COLEC12: variants seen among roughly 807,000 people sequenced by gnomAD.
COLEC12 encodes the protein collectin-12.
Under a neutral mutation model 71.1 loss-of-function variants are expected in COLEC12, and 33 were observed. The ratio of observed to expected loss-of-function variants is 0.46; its 90% CI spans 0.35 to 0.62. COLEC12 has a LOEUF of 0.62. Among genes scored for constraint, COLEC12 ranks in the 20% least tolerant of loss-of-function variants. COLEC12 has a pLI of 0.00. For missense variants in COLEC12, 765 were observed against 916.1 expected (o/e 0.84, Z 2.13); for synonymous variants, 350 against 353.0 (o/e 0.99, Z 0.10).
intron 2 of COLEC12, among the ~76,000 whole-genome samples, chr18:449,536 C>T (rs1916717312): frequency 6.6e-6 from 1 of 152,220 alleles, no homozygotes. Flanking sequence ...CTCAGGGACT[C>T]CCACACTGAA....
At chr18:496,505 T>TGG in intron 1 of COLEC12, among the ~76,000 whole-genome samples, 1 of 152,306 alleles carries the variant, frequency 6.6e-6, no homozygotes, top group South Asian at 2.1e-4. Flanking sequence ...CTTTAGAAAA[T>TGG]ATGACTCTTT....
intron 2 of COLEC12, among the ~76,000 whole-genome samples, chr18:365,030 C>T (rs112715669): frequency 0.012 from 1,899 of 152,174 alleles, 24 homozygotes; most frequent in Middle Eastern, 0.02. Flanking sequence ...GGATGCCCAA[C>T]GAGATAATCT....
intron 2 of COLEC12, among the ~76,000 whole-genome samples, chr18:478,824 T>C (rs2143768212): frequency 6.6e-6 from 1 of 152,046 alleles, no homozygotes; most frequent in East Asian, 1.9e-4. Flanking sequence ...TTGGCATCAC[T>C]CTCTTCCAGC....
At chr18:428,885 T>C (rs188994485) in intron 2 of COLEC12, among the ~76,000 whole-genome samples, 188 of 152,302 alleles carry the variant, frequency 1.2e-3, no homozygotes, top group African/African-American at 4.3e-3. Context: ...AATCTAGCAT[T>C]TACTAAGGAA....
At chr18:497,837 G>T (rs1301424713) in intron 1 of COLEC12, among the ~76,000 whole-genome samples, 2 of 152,198 alleles carry the variant, frequency 1.3e-5, no homozygotes, top group Non-Finnish European at 2.9e-5. Flanking sequence ...TCTTTAGTTG[G>T]TTCCCTATGG....
intron 2 of COLEC12, among the ~76,000 whole-genome samples, chr18:459,594 A>G (rs1916938192): frequency 6.6e-6 from 1 of 152,216 alleles, no homozygotes; most frequent in Non-Finnish European, 1.5e-5. Context: ...GTCCACATCA[A>G]GGGGCCCCAG....
At chr18:470,222 T>TTTG in intron 2 of COLEC12, among the ~76,000 whole-genome samples, 1 of 111,394 alleles carries the variant, frequency 9.0e-6, no homozygotes, top group Non-Finnish European at 1.9e-5. Context: ...GCCAGGAAAT[T>TTTG]TTTTTTTTTT....
chr18:380,215 T>C (rs1915200814), intron 2 of COLEC12, among the ~76,000 whole-genome samples: 1 of 152,218 alleles, frequency 6.6e-6, no homozygotes, highest in Non-Finnish European at 1.5e-5. Context: ...TCTTTCCGCA[T>C]TCCTCAGTGC....
intron 1 of COLEC12, among the ~76,000 whole-genome samples, chr18:492,573 T>C (rs1322955161): frequency 6.6e-6 from 1 of 151,746 alleles, no homozygotes; most frequent in Non-Finnish European, 1.5e-5. Context: ...TTAATCATGT[T>C]AATAAGAGAG....
chr18:489,521 G>A (rs938846343), intron 1 of COLEC12, among the ~76,000 whole-genome samples: 4 of 152,130 alleles, frequency 2.6e-5, no homozygotes, highest in Non-Finnish European at 5.9e-5. Flanking sequence ...AGATTTCTTC[G>A]AGAAGATAGA....
chr18:489,466 T>C (rs1395312594), intron 1 of COLEC12, among the ~76,000 whole-genome samples: 1 of 152,170 alleles, frequency 6.6e-6, no homozygotes, highest in African/African-American at 2.4e-5. Context: ...TGTGTATATA[T>C]CCTAACCTAA....
At chr18:329,550 C>T (rs1913922956) in intron 8 of COLEC12, among the ~76,000 whole-genome samples, 2 of 152,094 alleles carry the variant, frequency 1.3e-5, no homozygotes, top group African/African-American at 4.8e-5. Flanking sequence ...AAAGTGTGTC[C>T]CTGCTGTGTT....
At chr18:433,825 A>G (rs1334051001) in intron 2 of COLEC12, among the ~76,000 whole-genome samples, 2 of 152,026 alleles carry the variant, frequency 1.3e-5, no homozygotes, top group East Asian at 3.9e-4. Context: ...TTAGCCTCAC[A>G]AGGTGGTGTG....
At chr18:460,186 G>A (rs1268341349) in intron 2 of COLEC12, among the ~76,000 whole-genome samples, 6 of 152,078 alleles carry the variant, frequency 3.9e-5, no homozygotes, top group East Asian at 3.8e-4. Context: ...CCCTGCTGTC[G>A]GCCAAGAATA....
rs542286521 is a variant in COLEC12 at position 336,578 on chromosome 18, C to A, written c.1328-1348G>T. On this transcript the variant is annotated intron_variant, in intron 5 of 9. Transcript: ENST00000400256. ...TCAGGGTACTTTCACATACATTATG[C>A]CACCTGACCTTGCCTGTGCGGTAGA... Among the ~76,000 whole-genome samples the A allele has an allele frequency of 2.0e-5, 3 of 152,240 alleles. No individual in the cohort carries two copies. The East Asian group carries it at 5.8e-4, about 29-fold the overall frequency.
intron 2 of COLEC12, among the ~76,000 whole-genome samples, chr18:470,411 T>G (rs1190903477): frequency 6.6e-6 from 1 of 151,470 alleles, no homozygotes; most frequent in Non-Finnish European, 1.5e-5. Context: ...TTTTTTTTGT[T>G]TTTAATAGAG....
In COLEC12 at chr18:331,052, G is replaced by GTT. The variant is rs35368869; in HGVS notation, c.2063+614_2063+615dup. 7.9e-5 allele frequency among the ~76,000 whole-genome samples: 12 copies of GTT among 151,188 alleles called. 1 individual carries two copies. Among genetic ancestry groups the GTT allele is most frequent in the Admixed American group, 5.9e-4 (9 of 15,142 alleles). On this transcript the variant is annotated intron_variant, in intron 8 of 9. Transcript: ENST00000400256. ...GCGCCACCATATCCGGCTAATTTTTGTTTTTTTTGTTTTTTTAGTAGAGAC... is the reference window on the plus strand; with the variant it reads ...GCGCCACCATATCCGGCTAATTTTTGTTTTTTTTTTGTTTTTTTAGTAGAGAC...
chr18:419,838 A>G (rs1916062175), intron 2 of COLEC12, among the ~76,000 whole-genome samples: 1 of 152,166 alleles, frequency 6.6e-6, no homozygotes, highest in South Asian at 2.1e-4. Flanking sequence ...GATCTCTGTG[A>G]AAACTTAACC....
chr18:342,097 G>C lies in COLEC12; in HGVS notation c.1327+4198C>G, dbSNP rs59961613. 7.7e-3 allele frequency among the ~76,000 whole-genome samples: 1,165 copies of C among 151,906 alleles called. 10 individuals are homozygous for C. The highest frequency in any genetic ancestry group is 0.025 in the African/African-American group (1,054 of 41,418). On this transcript the variant is annotated intron_variant, in intron 5 of 9. Coordinates refer to ENST00000400256, the MANE Select transcript of COLEC12 (RefSeq NM_130386.3). The stretch of plus-strand genomic sequence containing the variant: ...CTTGAGACGGAGTTTCACTCTTGTT[G>C]CCCAGGCTAGAGTGCAATGGTGAGA...
Sources: allele counts gnomAD v4.1 joint callset (sites outside exome capture counted in the v4.1 genomes callset), GRCh38; gene constraint gnomAD v4.1.1; transcripts MANE v1.5; gene names NCBI Gene and HGNC (gene_info 2026-07-23, HGNC 2026-07-21).